Variants in ARID2 observed in about 807,000 individuals in gnomAD.
ARID2 encodes AT-rich interactive domain-containing protein 2.
In ARID2, 32 loss-of-function variants were observed where a neutral mutation model predicts 184.6. That is an observed-to-expected ratio of 0.17 (90% CI 0.13 to 0.23). The LOEUF (loss-of-function observed/expected upper bound fraction) is 0.23, where lower values mean the gene tolerates loss of function less well. Ranked by LOEUF, ARID2 falls within the 10% of genes least tolerant of loss-of-function variation. The pLI is 1.00. For missense variants in ARID2, 1,696 were observed against 2,197.6 expected (o/e 0.77, Z 4.56); for synonymous variants, 836 against 772.6 (o/e 1.08, Z -1.36).
At chr12:45,788,012 G>A (rs534539279) in intron 3 of ARID2, among the ~76,000 whole-genome samples, 5 of 152,132 alleles carry the variant, frequency 3.3e-5, no homozygotes, top group East Asian at 1.9e-4. Flanking sequence ...TGTTTTTGTC[G>A]TTTACAACAT....
intron 3 of ARID2, among the ~76,000 whole-genome samples, chr12:45,774,991 T>C (rs1449917506): frequency 6.6e-6 from 1 of 152,096 alleles, no homozygotes; most frequent in African/African-American, 2.4e-5. Flanking sequence ...TGGCATTTAG[T>C]GAATAGTGGC....
At chr12:45,777,472 T>G (rs1281528327) in intron 3 of ARID2, among the ~76,000 whole-genome samples, 1 of 152,110 alleles carries the variant, frequency 6.6e-6, no homozygotes. Context: ...AGCTGTGCTA[T>G]TATCTATAGC....
intron 16 of ARID2, 40 bp downstream of exon 16, chr12:45,860,989 GT>G (rs1489380667): frequency 1.4e-6 from 2 of 1,418,852 alleles, no homozygotes; most frequent in Non-Finnish European, 1.9e-6. Context: ...AGTATTCTTT[GT>G]TTTGGAATGC....
intron 15 of ARID2, among the ~76,000 whole-genome samples, chr12:45,858,325 C>G (rs1943686494): frequency 6.6e-6 from 1 of 152,058 alleles, no homozygotes; most frequent in East Asian, 1.9e-4. Context: ...CACGCCATTG[C>G]ACTCCAGCCT....
In ARID2 at chr12:45,896,359, C is replaced by T. The variant is rs1007340693; in HGVS notation, c.5363+2638C>T. Among the ~76,000 whole-genome samples, 7 of 152,078 alleles carry T rather than the reference C, an allele frequency of 4.6e-5. No homozygotes were observed. The East Asian group carries it at 9.6e-4, about 21-fold the overall frequency. On this transcript the variant is annotated intron_variant, in intron 20 of 20. Transcript: ENST00000334344. ...TCAGTTTTCCAAAAGAAGGCTGATG[C>T]GGTTTGGCTGTGTCCCCACCCAGAT...
Position 45,848,986 on chromosome 12 carries a change from C to A in ARID2, c.1715+16C>A. Reference sequence around the variant, plus strand: ...AATGTCTTAGGTAGGATCCATAGTTCTTTAAATAAAGTCCATTTACGTCAC... The same window carrying A: ...AATGTCTTAGGTAGGATCCATAGTTATTTAAATAAAGTCCATTTACGTCAC... On this transcript the variant is annotated intron_variant, in intron 13 of 20. Coordinates refer to ENST00000334344, the MANE Select transcript of ARID2 (RefSeq NM_152641.4). 6.2e-7 allele frequency: 1 copy of A among 1,602,692 alleles called. No homozygotes were observed. The highest frequency in any genetic ancestry group is 1.1e-5 in the South Asian group (1 of 88,558).
intron 18 of ARID2, among the ~76,000 whole-genome samples, chr12:45,892,304 T>G (rs946352729): frequency 6.6e-6 from 1 of 152,210 alleles, no homozygotes; most frequent in Non-Finnish European, 1.5e-5. Flanking sequence ...GGTCTGTAAG[T>G]TACCTTTCAG....
At chr12:45,785,841 A>C (rs1235250289) in intron 3 of ARID2, among the ~76,000 whole-genome samples, 1 of 152,160 alleles carries the variant, frequency 6.6e-6, no homozygotes, top group Non-Finnish European at 1.5e-5. Context: ...ATTACCTTTA[A>C]AATAGAAATA....
At chr12:45,903,780 C>A (rs1469750286) in intron 20 of ARID2, among the ~76,000 whole-genome samples, 2 of 151,724 alleles carry the variant, frequency 1.3e-5, no homozygotes, top group Non-Finnish European at 2.9e-5. Flanking sequence ...CTTTTTTTCT[C>A]CTGTAGTTTC....
Position 45,892,111 on chromosome 12 carries a change from T to A in ARID2, c.5147+15T>A. 6.2e-6 allele frequency: 10 copies of A among 1,609,560 alleles called. No homozygotes were observed. Among genetic ancestry groups the A allele is most frequent in the Non-Finnish European group, 8.5e-6 (10 of 1,177,796 alleles). On this transcript the variant is annotated intron_variant, in intron 18 of 20. Coordinates refer to ENST00000334344, the MANE Select transcript of ARID2 (RefSeq NM_152641.4). ...TCTTCTACCAAGTAAGGAAAATGAG[T>A]TTACTTCCTGTTGTACATACAAAAA...
intron 12 of ARID2, 142 bp downstream of exon 12, chr12:45,847,079 G>A: frequency 1.6e-6 from 1 of 607,000 alleles, no homozygotes; most frequent in South Asian, 3.1e-5. Context: ...CACAAAGAAA[G>A]GACACTTTAA....
chr12:45,768,841 CA>C lies in ARID2; in HGVS notation c.284+37529del, dbSNP rs201126300. Among the ~76,000 whole-genome samples, 1,378 of 152,188 alleles carry C rather than the reference CA, an allele frequency of 9.1e-3. 20 individuals carry two copies. The highest frequency in any genetic ancestry group is 0.03 in the African/African-American group (1,259 of 41,510). On this transcript the variant is annotated intron_variant, in intron 3 of 20. Transcript: ENST00000334344. The stretch of plus-strand genomic sequence containing the variant: ...TTATGCTTCAGCACATTGTTGAAAA[CA>C]ATGGAGTAATCAGCCAGCAATTGGT...
intron 3 of ARID2, among the ~76,000 whole-genome samples, chr12:45,746,683 A>G (rs561695149): frequency 6.6e-6 from 1 of 152,084 alleles, no homozygotes; most frequent in East Asian, 1.9e-4. Context: ...TGACATAGAT[A>G]CTGTTAATAT....
rs375466100 is a variant in ARID2, at chr12:45,899,671, T to TTATATATATATGGTTTTATA, written c.5364-5256_5364-5255insATATGGTTTTATATATATAT. Among the ~76,000 whole-genome samples the TTATATATATATGGTTTTATA allele has an allele frequency of 6.6e-5, 3 of 45,140 alleles. No individual in the cohort carries two copies. In the South Asian group the frequency reaches 2.7e-3, roughly 41 times the overall value. 29.6% of individuals were successfully genotyped at this position (45,140 alleles called of 152,430 possible). ...TATTTGGTTATATATATATATATGG[T>TTATATATATATGGTTTTATA]TATATATGGTTATATATATATGGTT... On this transcript the variant is annotated intron_variant, in intron 20 of 20. Coordinates refer to ENST00000334344, the MANE Select transcript of ARID2 (RefSeq NM_152641.4).
chr12:45,737,185 T>TA (rs1941145151), intron 3 of ARID2, among the ~76,000 whole-genome samples: 1 of 152,192 alleles, frequency 6.6e-6, no homozygotes, highest in African/African-American at 2.4e-5. Context: ...TGTCCAGGAA[T>TA]AGCTATCACA....
At chr12:45,846,263 T>C (rs1157791011) in intron 11 of ARID2, among the ~76,000 whole-genome samples, 1 of 152,132 alleles carries the variant, frequency 6.6e-6, no homozygotes, top group African/African-American at 2.4e-5. Context: ...CCAGAAAAAT[T>C]ATGGAAATCC....
intron 3 of ARID2, 85 bp from the exon 4 acceptor site, chr12:45,811,333 A>T (rs2138082008): frequency 7.2e-7 from 1 of 1,380,284 alleles, no homozygotes; most frequent in Non-Finnish European, 9.7e-7. Flanking sequence ...TATTGTTTAG[A>T]AAAGGAAAAC....
At chr12:45,820,909 C>T (rs1053621789) in intron 5 of ARID2, among the ~76,000 whole-genome samples, 1 of 151,974 alleles carries the variant, frequency 6.6e-6, no homozygotes, top group African/African-American at 2.4e-5. Context: ...GCAACTTTAT[C>T]GAGAAACACA....
chr12:45,904,485 G>A (rs1944495646), intron 20 of ARID2: 3 of 556,776 alleles, frequency 5.4e-6, no homozygotes, highest in Non-Finnish European at 9.7e-6. Flanking sequence ...AAGGTCAAGA[G>A]ATCGAGACCG....
Sources: gnomAD v4.1 joint callset for allele counts (sites outside exome capture counted in the v4.1 genomes callset) on GRCh38, gnomAD v4.1.1 for gene constraint, MANE v1.5 for transcripts, NCBI Gene and HGNC (gene_info 2026-07-23, HGNC 2026-07-21) for gene names.